RBFOX1: variants seen among roughly 807,000 people sequenced by gnomAD.
RBFOX1 encodes RNA binding fox-1 homolog 1, also known as RNA binding protein fox-1 homolog 1.
In RBFOX1, 8 loss-of-function variants were observed where a neutral mutation model predicts 57.7. That is an observed-to-expected ratio of 0.14 (90% CI 0.08 to 0.25). The LOEUF (loss-of-function observed/expected upper bound fraction) is 0.25. Ranked by LOEUF, RBFOX1 falls within the 10% of genes least tolerant of loss-of-function variation. The probability of loss-of-function intolerance (pLI) is 1.00; values close to 1 mark genes in which losing one functional copy is unlikely to be tolerated. For synonymous variants in RBFOX1, 326 were observed against 222.4 expected, an observed-to-expected ratio of 1.47 and a Z score of -4.15; for missense variants, 611 against 548.5, an observed-to-expected ratio of 1.11 and a Z score of -1.14.
chr16:7,144,430 T>TTTTTG (rs1600862148), intron 4 of RBFOX1, among the ~76,000 whole-genome samples: 1 of 142,320 alleles, frequency 7.0e-6, no homozygotes, highest in East Asian at 2.1e-4. Flanking sequence ...TTTTTTTTTT[T>TTTTTG]TTTTTTTTGA....
chr16:5,985,896 A>G lies in RBFOX1; in HGVS notation c.351+118561A>G, dbSNP rs114002317. On this transcript the variant is annotated intron_variant, in intron 4 of 19. Coordinates refer to the RBFOX1 transcript ENST00000641259. Reference sequence around the variant, plus strand: ...ATCACACTTACGTTTGAGAAGAATGAGGCCAAGGCAAACCGGTGCTACTTT... The same window carrying G: ...ATCACACTTACGTTTGAGAAGAATGGGGCCAAGGCAAACCGGTGCTACTTT... Among the ~76,000 whole-genome samples the G allele has an allele frequency of 7.7e-3, 1,170 of 152,276 alleles. 27 individuals carry two copies. Among genetic ancestry groups the G allele is most frequent in the African/African-American group, 0.027 (1,111 of 41,572 alleles).
intron 4 of RBFOX1, among the ~76,000 whole-genome samples, chr16:7,336,431 G>C (rs12325034): frequency 0.23 from 34,278 of 152,170 alleles, 4,181 homozygotes; most frequent in African/African-American, 0.29. Context: ...CAGATGATGA[G>C]TCAGCAGATT....
At chr16:7,267,156 T>C (rs74489668) in intron 4 of RBFOX1, among the ~76,000 whole-genome samples, 2,432 of 152,270 alleles carry the variant, frequency 0.016, 55 homozygotes, top group African/African-American at 0.05. Flanking sequence ...TTATGCACTT[T>C]GGGAGGCCGA....
rs370182134 is a variant in RBFOX1 at position 5,998,147 on chromosome 16, C to T, written c.351+130812C>T. Among the ~76,000 whole-genome samples the T allele has an allele frequency of 3.9e-5, 6 of 152,298 alleles. No individual in the cohort carries two copies. In the East Asian group the frequency reaches 1.2e-3, roughly 29 times the overall value. ...AAGTCTGTATAAACCTACCAAGTCC[C>T]TGTACGAAGTCCCTGTTCATTCTGG... is the stretch of plus-strand genomic sequence containing the variant. On this transcript the variant is annotated intron_variant, in intron 4 of 19. Transcript: ENST00000641259.
At chr16:5,744,151 G>C (rs1325575168) in intron 3 of RBFOX1, among the ~76,000 whole-genome samples, 3 of 152,008 alleles carry the variant, frequency 2.0e-5, no homozygotes, top group Admixed American at 6.6e-5. Context: ...GTCTTTGCTT[G>C]TGCTATGTTC....
At chr16:6,100,186 G>A (rs926355050) in intron 1 of RBFOX1, among the ~76,000 whole-genome samples, 4 of 151,394 alleles carry the variant, frequency 2.6e-5, no homozygotes, top group Admixed American at 6.6e-5. Flanking sequence ...TTTTTGAGAC[G>A]GAGTCTTGCT....
intron 4 of RBFOX1, among the ~76,000 whole-genome samples, chr16:7,413,617 T>G (rs1188724532): frequency 6.6e-6 from 1 of 152,082 alleles, no homozygotes; most frequent in African/African-American, 2.4e-5. Flanking sequence ...CCCCTTTGCT[T>G]GTCCTCTTGC....
chr16:6,919,367 G>C (rs79347443), intron 3 of RBFOX1, among the ~76,000 whole-genome samples: 1 of 151,988 alleles, frequency 6.6e-6, no homozygotes, highest in Non-Finnish European at 1.5e-5. Flanking sequence ...CCTCACAACA[G>C]CCCAGCAGTT....
intron 2 of RBFOX1, among the ~76,000 whole-genome samples, chr16:6,342,712 G>A (rs1277066539): frequency 3.3e-5 from 5 of 152,106 alleles, no homozygotes; most frequent in African/African-American, 1.2e-4. Flanking sequence ...TTTGTGAAAT[G>A]TGTTTGGTAT....
chr16:5,505,292 G>A (rs2043342440), intron 2 of RBFOX1, among the ~76,000 whole-genome samples: 1 of 152,172 alleles, frequency 6.6e-6, no homozygotes, highest in African/African-American at 2.4e-5. Flanking sequence ...ACTGTAGGTG[G>A]CAGAAACCAT....
chr16:6,370,529 G>T (rs1184146119), intron 2 of RBFOX1, among the ~76,000 whole-genome samples: 2 of 152,032 alleles, frequency 1.3e-5, no homozygotes, highest in South Asian at 4.1e-4. Context: ...ATTCTGACAC[G>T]TGCTACAACA....
At chr16:6,777,905 G>A (rs575300150) in intron 3 of RBFOX1, among the ~76,000 whole-genome samples, 142 of 152,252 alleles carry the variant, frequency 9.3e-4, no homozygotes, top group Middle Eastern at 3.4e-3. Flanking sequence ...ATATTGAAAT[G>A]ACTTTTTCTG....
chr16:5,360,731 C>G (rs1008924468), intron 1 of RBFOX1, among the ~76,000 whole-genome samples: 2 of 152,186 alleles, frequency 1.3e-5, no homozygotes, highest in Admixed American at 6.5e-5. Context: ...CTAGAGATCT[C>G]GACAGCTGCA....
At chr16:6,472,369 C>T (rs2095196259) in intron 2 of RBFOX1, among the ~76,000 whole-genome samples, 1 of 152,162 alleles carries the variant, frequency 6.6e-6, no homozygotes, top group South Asian at 2.1e-4. Context: ...AGATGGCTTC[C>T]TTCCCATCCT....
intron 3 of RBFOX1, among the ~76,000 whole-genome samples, chr16:5,794,912 A>C (rs1240895055): frequency 2.0e-5 from 3 of 152,110 alleles, no homozygotes; most frequent in Non-Finnish European, 4.4e-5. Flanking sequence ...ATGGGATCCC[A>C]GTCTACACAC....
At chr16:6,822,337 C>G (rs2091449123) in intron 3 of RBFOX1, among the ~76,000 whole-genome samples, 1 of 152,198 alleles carries the variant, frequency 6.6e-6, no homozygotes, top group Non-Finnish European at 1.5e-5. Flanking sequence ...CCTGTTGACT[C>G]TCAGCCATTC....
chr16:7,694,748 T>G (rs2078263313), intron 14 of RBFOX1, among the ~76,000 whole-genome samples: 1 of 152,154 alleles, frequency 6.6e-6, no homozygotes, highest in Admixed American at 6.5e-5. Context: ...CAAAAGTTGT[T>G]TAACATTTTC....
intron 14 of RBFOX1, among the ~76,000 whole-genome samples, chr16:7,687,852 T>G (rs1437917412): frequency 1.3e-5 from 2 of 152,026 alleles, no homozygotes; most frequent in Non-Finnish European, 2.9e-5. Context: ...AGAGAGGTAT[T>G]CATACAGTGA....
intron 4 of RBFOX1, among the ~76,000 whole-genome samples, chr16:7,132,502 C>G (rs1447098302): frequency 1.4e-5 from 2 of 144,684 alleles, no homozygotes; most frequent in Admixed American, 6.9e-5. Flanking sequence ...TCTTGAATAA[C>G]ATAAGACAAA....
Sources: gnomAD v4.1 joint callset for allele counts (sites outside exome capture counted in the v4.1 genomes callset) on GRCh38, gnomAD v4.1.1 for gene constraint, MANE v1.5 for transcripts, NCBI Gene and HGNC (gene_info 2026-07-23, HGNC 2026-07-21) for gene names.